The following RAPGEF5 variants were observed in gnomAD, a reference collection of about 807,000 sequenced individuals.
RAPGEF5 encodes the protein M-Ras-regulated GEF.
RAPGEF5 carries 65 observed loss-of-function variants against 125.2 expected under a neutral mutation model. The ratio of observed to expected loss-of-function variants is 0.52; its 90% confidence interval spans 0.43 to 0.64. The LOEUF (loss-of-function observed/expected upper bound fraction) is 0.64, where lower values mean the gene tolerates loss of function less well. Among genes scored for constraint, RAPGEF5 ranks in the 30% least tolerant of loss-of-function variants. The probability of loss-of-function intolerance (pLI) is 0.00; values close to 1 mark genes in which losing one functional copy is unlikely to be tolerated. For synonymous variants in RAPGEF5, 391 were observed against 385.9 expected, an observed-to-expected ratio of 1.01 and a Z score of -0.16; for missense variants, 958 against 1,048.1, an observed-to-expected ratio of 0.91 and a Z score of 1.19.
chr7:22,188,979 C>T (rs972221125), intron 11 of RAPGEF5, among the ~76,000 whole-genome samples: 1 of 147,502 alleles, frequency 6.8e-6, no homozygotes, highest in Non-Finnish European at 1.5e-5. Context: ...CTGAAAGAAT[C>T]AAGGCAAGCT....
At chr7:22,353,335 A>G (rs541235789) in intron 1 of RAPGEF5, among the ~76,000 whole-genome samples, 26 of 152,246 alleles carry the variant, frequency 1.7e-4, no homozygotes, top group Non-Finnish European at 3.5e-4. Flanking sequence ...AAGTAAAAAG[A>G]CAACTTTGAG....
chr7:22,304,589 T>A (rs571776371), intron 5 of RAPGEF5, among the ~76,000 whole-genome samples: 3 of 152,190 alleles, frequency 2.0e-5, no homozygotes, highest in African/African-American at 2.4e-5. Context: ...TGGAGTTAAA[T>A]CACGAGGACA....
chr7:22,296,344 G>A (rs1301848692), intron 5 of RAPGEF5, among the ~76,000 whole-genome samples: 1 of 152,162 alleles, frequency 6.6e-6, no homozygotes, highest in Non-Finnish European at 1.5e-5. Context: ...TGACACACAA[G>A]GAGGAGCCAC....
At chr7:22,232,314 C>CTTTTTTT (rs5882838) in intron 7 of RAPGEF5, among the ~76,000 whole-genome samples, 1 of 139,316 alleles carries the variant, frequency 7.2e-6, no homozygotes, top group Non-Finnish European at 1.6e-5. Context: ...ATTCTGTGTG[C>CTTTTTTT]TTTTTTTTTT....
intron 7 of RAPGEF5, among the ~76,000 whole-genome samples, chr7:22,257,754 G>A (rs1782035914): frequency 6.6e-6 from 1 of 152,160 alleles, no homozygotes; most frequent in African/African-American, 2.4e-5. Flanking sequence ...CCCCTAGATT[G>A]TTTCCCAAAT....
At chr7:22,160,377 A>T in intron 14 of RAPGEF5, 141 bp downstream of exon 14, 1 of 707,728 alleles carries the variant, frequency 1.4e-6, no homozygotes, top group Non-Finnish European at 2.2e-6. Context: ...CATACAATTT[A>T]CTACTAGAAA....
chr7:22,125,513 T>A (rs1782710549), intron 25 of RAPGEF5, 91 bp downstream of exon 25: 1 of 1,219,676 alleles, frequency 8.2e-7, no homozygotes, highest in Admixed American at 1.7e-5. Context: ...CTTTTCAATC[T>A]GTTTAAATTG....
chr7:22,120,662 G>A lies in RAPGEF5; in HGVS notation c.*1744C>T, dbSNP rs1782556572. ...TGTCCTGTGGGCCACATTCCATGAC[G>A]GCAGCATGCAGCATTTCTCTGAATG... On this transcript the variant is annotated 3_prime_UTR_variant, in exon 26 of 26. Transcript: ENST00000665637. The surrounding 1 kb of genome is among the most constrained non-coding windows in gnomAD (Gnocchi z 4.0). 1 of 152,580 alleles carries A rather than the reference G, an allele frequency of 6.6e-6. No homozygotes were observed. Among genetic ancestry groups the A allele is most frequent in the Non-Finnish European group, 1.5e-5 (1 of 68,092 alleles). 9.5% of individuals were successfully genotyped at this position (152,580 alleles called of 1,614,324 possible).
At chr7:22,292,325 C>G (rs991110506) in intron 5 of RAPGEF5, among the ~76,000 whole-genome samples, 7 of 152,180 alleles carry the variant, frequency 4.6e-5, no homozygotes, top group Admixed American at 6.5e-5. Context: ...GTTATTAAAC[C>G]CTTTTCCAGA....
intron 11 of RAPGEF5, among the ~76,000 whole-genome samples, chr7:22,172,912 T>A (rs988377865): frequency 1.8e-4 from 27 of 152,184 alleles, no homozygotes; most frequent in Non-Finnish European, 5.9e-5. Flanking sequence ...GAAAGCAAAT[T>A]AAAAGAATTT....
intron 7 of RAPGEF5, among the ~76,000 whole-genome samples, chr7:22,253,525 T>A (rs948140262): frequency 6.6e-6 from 1 of 152,208 alleles, no homozygotes; most frequent in Admixed American, 6.6e-5. Flanking sequence ...AAGCATAAAC[T>A]TTTAATTACT....
chr7:22,251,627 C>T (rs1162592256), intron 7 of RAPGEF5, among the ~76,000 whole-genome samples: 2 of 152,080 alleles, frequency 1.3e-5, no homozygotes, highest in African/African-American at 4.8e-5. Flanking sequence ...CCTGATTGCA[C>T]TGCTGACTTC....
At chr7:22,352,196 A>G (rs976708093) in intron 1 of RAPGEF5, among the ~76,000 whole-genome samples, 1 of 152,238 alleles carries the variant, frequency 6.6e-6, no homozygotes, top group Non-Finnish European at 1.5e-5. Context: ...CCAAAGCCCA[A>G]AATAAGTCAG....
intron 24 of RAPGEF5, among the ~76,000 whole-genome samples, chr7:22,130,468 C>T (rs1050607236): frequency 2.0e-5 from 3 of 152,128 alleles, no homozygotes; most frequent in South Asian, 2.1e-4. Context: ...TTGCCTGAGC[C>T]GCTCTGGCCG....
rs147214408 is a variant in RAPGEF5 at position 22,196,020 on chromosome 7, T to C, written c.997-1987A>G. On this transcript the variant is annotated intron_variant, in intron 9 of 25. Transcript: ENST00000665637. Reference sequence around the variant, plus strand: ...GCCTGTGTAACTAATATGTATTACATGGCTGTGCACACAGCAGCCACACTC... The same window carrying C: ...GCCTGTGTAACTAATATGTATTACACGGCTGTGCACACAGCAGCCACACTC... Among the ~76,000 whole-genome samples the C allele has an allele frequency of 1.4e-4, 21 of 152,344 alleles. No homozygotes were observed. The East Asian group carries it at 3.7e-3, about 27-fold the overall frequency.
At chr7:22,166,948 A>G (rs1444896684) in intron 12 of RAPGEF5, 122 bp downstream of exon 12, 17 of 761,570 alleles carry the variant, frequency 2.2e-5, no homozygotes, top group Admixed American at 7.6e-5. Context: ...CATTACATTA[A>G]TATTTAACAT....
In RAPGEF5 at chr7:22,213,704, T is replaced by C. The variant is rs6973499; in HGVS notation, c.996+6162A>G. 2.8e-3 allele frequency among the ~76,000 whole-genome samples: 423 copies of C among 152,352 alleles called. 2 individuals carry two copies. Among genetic ancestry groups the C allele is most frequent in the African/African-American group, 9.6e-3 (400 of 41,590 alleles). Reference sequence around the variant, plus strand: ...AATGAGGTGATTTCTCAGTTTATAATTGGGCAACTTAATGTATTATGAATT... The same window carrying C: ...AATGAGGTGATTTCTCAGTTTATAACTGGGCAACTTAATGTATTATGAATT... On this transcript the variant is annotated intron_variant, in intron 9 of 25. Coordinates refer to ENST00000665637, the MANE Select transcript of RAPGEF5 (RefSeq NM_012294.5).
intron 11 of RAPGEF5, among the ~76,000 whole-genome samples, chr7:22,178,415 T>C (rs1784575546): frequency 6.6e-6 from 1 of 152,200 alleles, no homozygotes; most frequent in Non-Finnish European, 1.5e-5. Flanking sequence ...CCCACAAGAC[T>C]GCATCCCACT....
intron 9 of RAPGEF5, among the ~76,000 whole-genome samples, chr7:22,213,761 C>A (rs1294592495): frequency 2.0e-5 from 3 of 152,150 alleles, no homozygotes; most frequent in Non-Finnish European, 4.4e-5. Context: ...ACTTTCAATT[C>A]TATTACAGTA....
Sources: gnomAD v4.1 joint callset for allele counts (sites outside exome capture counted in the v4.1 genomes callset) on GRCh38, gnomAD v4.1.1 for gene constraint, Gnocchi (gnomAD v3.1) non-coding constraint, MANE v1.5 for transcripts, NCBI Gene and HGNC (gene_info 2026-07-23, HGNC 2026-07-21) for gene names.